Variants in ATAD2B observed in about 807,000 individuals in gnomAD.
ATAD2B encodes ATPase family AAA domain-containing protein 2B.
Under a neutral mutation model 167.6 loss-of-function variants are expected in ATAD2B, and 40 were observed. That is an observed-to-expected ratio of 0.24 (90% confidence interval 0.19 to 0.31). The LOEUF (loss-of-function observed/expected upper bound fraction) is 0.31. Ranked by LOEUF, ATAD2B falls within the 10% of genes least tolerant of loss-of-function variation. The pLI, the probability that ATAD2B is intolerant of heterozygous loss-of-function variation, is 1.00. For missense variants in ATAD2B, 1,242 were observed against 1,757.2 expected, an observed-to-expected ratio of 0.71 and a Z score of 5.24; for synonymous variants, 579 against 596.5, an observed-to-expected ratio of 0.97 and a Z score of 0.43.
At chr2:23,897,867 C>T (rs569234624) in intron 1 of ATAD2B, among the ~76,000 whole-genome samples, 43 of 152,312 alleles carry the variant, frequency 2.8e-4, no homozygotes, top group African/African-American at 9.4e-4. Flanking sequence ...CTGGGCACTA[C>T]GTGTGCTCAC....
chr2:23,859,023 T>C (rs1022298202), intron 12 of ATAD2B, among the ~76,000 whole-genome samples: 1 of 152,180 alleles, frequency 6.6e-6, no homozygotes, highest in Non-Finnish European at 1.5e-5. Flanking sequence ...ATTTCTAATC[T>C]AGTTAGATAT....
chr2:23,860,038 C>T (rs1293304765), intron 12 of ATAD2B, among the ~76,000 whole-genome samples: 1 of 149,630 alleles, frequency 6.7e-6, no homozygotes, highest in South Asian at 2.1e-4. Context: ...GGCCTCCACC[C>T]TCATAAATAG....
rs892255837 is a variant in ATAD2B at position 23,864,936 on chromosome 2, G to C, written c.1189-12C>G. The stretch of plus-strand genomic sequence containing the variant: ...CTATCAAACCGTACCTTGGAAAGAA[G>C]GGGAAAAATTTGATATCAAACAATT... On this transcript the variant is annotated splice_polypyrimidine_tract_variant and intron_variant, in intron 10 of 27. Coordinates refer to ENST00000238789, the MANE Select transcript of ATAD2B (RefSeq NM_017552.4). 6.7e-7 allele frequency: 1 copy of C among 1,485,748 alleles called. No individual in the cohort carries two copies. Among genetic ancestry groups the C allele is most frequent in the Admixed American group, 2.4e-5 (1 of 41,738 alleles). The allele number at this position is 1,485,748 out of a possible 1,614,324, so 92.0% of individuals were successfully genotyped here.
At position 23,890,169 on chromosome 2, in the gene ATAD2B, C is replaced by T. The variant is rs535820989; in HGVS notation, c.369-1770G>A. ...GGTGGAGCTTACAGTGAGCCGAGAT[C>T]GCGCCACTGCACTCCAGCCTGGGTG... On this transcript the variant is annotated intron_variant, in intron 2 of 27. Coordinates refer to ENST00000238789, the MANE Select transcript of ATAD2B (RefSeq NM_017552.4). Among the ~76,000 whole-genome samples the T allele has an allele frequency of 1.5e-3, 222 of 152,114 alleles. 2 individuals are homozygous for T. Among genetic ancestry groups the T allele is most frequent in the Admixed American group, 0.013 (196 of 15,276 alleles).
intron 18 of ATAD2B, among the ~76,000 whole-genome samples, chr2:23,800,176 T>C (rs1452892872): frequency 6.6e-6 from 1 of 151,850 alleles, no homozygotes; most frequent in Non-Finnish European, 1.5e-5. Flanking sequence ...AGTTCCCCAC[T>C]CTGTGCTGGT....
At chr2:23,756,361 T>C (rs1675949191) in intron 25 of ATAD2B, among the ~76,000 whole-genome samples, 1 of 152,056 alleles carries the variant, frequency 6.6e-6, no homozygotes, top group Non-Finnish European at 1.5e-5. Flanking sequence ...TCCTGCTTCC[T>C]AACTCTGCTA....
the ATAD2B span, chr2:23,706,829 C>A: frequency 1.8e-6 from 1 of 556,094 alleles, no homozygotes; most frequent in Non-Finnish European, 3.0e-6. Flanking sequence ...AGAAAATCAT[C>A]CTCGCCTTTG....
intron 1 of ATAD2B, 93 bp downstream of exon 1, chr2:23,926,462 C>T: frequency 6.7e-7 from 1 of 1,481,712 alleles, no homozygotes; most frequent in South Asian, 1.3e-5. Context: ...GCGGTCTCCA[C>T]TGTAGGCTTC....
chr2:23,913,466 C>A (rs1368660068), intron 1 of ATAD2B, among the ~76,000 whole-genome samples: 1 of 151,918 alleles, frequency 6.6e-6, no homozygotes, highest in Non-Finnish European at 1.5e-5. Flanking sequence ...ATGGTGAAAC[C>A]CCATCTCTAC....
chr2:23,900,552 C>A (rs1323712928), intron 1 of ATAD2B: 1 of 152,222 alleles, frequency 6.6e-6, no homozygotes, highest in Non-Finnish European at 1.5e-5. Context: ...TGTAGAATCT[C>A]AGGCTCCACC....
the ATAD2B span, among the ~76,000 whole-genome samples, chr2:23,741,660 A>G: frequency 1.3e-5 from 2 of 152,238 alleles, no homozygotes; most frequent in Admixed American, 1.3e-4. Flanking sequence ...CGTCATGTCT[A>G]AAACACCAAA....
At chr2:23,888,518 T>G in intron 2 of ATAD2B, 119 bp from the exon 3 acceptor site, 1 of 632,256 alleles carries the variant, frequency 1.6e-6, no homozygotes, top group Non-Finnish European at 2.6e-6. Context: ...AAGATAACTT[T>G]TTTTACTGTA....
At chr2:23,864,949 A>G (rs1009288360) in intron 10 of ATAD2B, 25 bp from the exon 11 acceptor site, 2 of 1,324,432 alleles carry the variant, frequency 1.5e-6, no homozygotes, top group Admixed American at 2.7e-5. Flanking sequence ...GAAAAATTTG[A>G]TATCAAACAA....
At chr2:23,760,631 T>C (rs1676536108) in intron 24 of ATAD2B, among the ~76,000 whole-genome samples, 1 of 147,308 alleles carries the variant, frequency 6.8e-6, no homozygotes, top group Non-Finnish European at 1.5e-5. Flanking sequence ...GCCACTGCAC[T>C]CCAGCCTGGG....
chr2:23,698,143 G>T, the ATAD2B span, among the ~76,000 whole-genome samples: 1 of 152,192 alleles, frequency 6.6e-6, no homozygotes, highest in Non-Finnish European at 1.5e-5. Context: ...TTCCCTGGGG[G>T]GCAAGGCCCT....
chr2:23,704,326 GCA>G, the ATAD2B span, among the ~76,000 whole-genome samples: 1 of 152,324 alleles, frequency 6.6e-6, no homozygotes, highest in African/African-American at 2.4e-5. Flanking sequence ...CTGGGCAAAA[GCA>G]CACACAAACC....
intron 13 of ATAD2B, among the ~76,000 whole-genome samples, chr2:23,854,408 T>A (rs1469303436): frequency 6.6e-6 from 1 of 152,082 alleles, no homozygotes; most frequent in Admixed American, 6.6e-5. Context: ...CTGGGAACAG[T>A]GGCTCATGCC....
chr2:23,916,340 G>C (rs1703039455), intron 1 of ATAD2B, among the ~76,000 whole-genome samples: 1 of 152,124 alleles, frequency 6.6e-6, no homozygotes, highest in African/African-American at 2.4e-5. Flanking sequence ...TTTAATCCAA[G>C]AAGTTTAATT....
At position 23,818,123 on chromosome 2, in the gene ATAD2B, TAC is replaced by T. The variant is rs112996560; in HGVS notation, c.2267+1622_2267+1623del. ...CACACACACACACACACACACACAT[TAC>T]ACACACACACACACACAGAGAGAGA... On this transcript the variant is annotated intron_variant, in intron 17 of 27. Coordinates refer to ENST00000238789, the MANE Select transcript of ATAD2B (RefSeq NM_017552.4). Among the ~76,000 whole-genome samples the T allele has an allele frequency of 1.8e-3, 182 of 101,706 alleles. 7 individuals are homozygous for T. The highest frequency in any genetic ancestry group is 6.2e-3 in the African/African-American group (175 of 28,322). 66.7% of individuals were successfully genotyped at this position (101,706 alleles called of 152,430 possible). A position where few individuals can be genotyped will look rare whatever the true frequency, so the allele number is the denominator to read the frequency against.
Sources: allele counts gnomAD v4.1 joint callset (sites outside exome capture counted in the v4.1 genomes callset), GRCh38; gene constraint gnomAD v4.1.1; transcripts MANE v1.5; gene names NCBI Gene and HGNC (gene_info 2026-07-23, HGNC 2026-07-21).